INTS3: variants seen among roughly 807,000 people sequenced by gnomAD.
The protein encoded by INTS3 is SOSS complex subunit A.
A neutral mutation model predicts 146.3 loss-of-function variants in INTS3; 34 were observed. The observed-to-expected ratio is 0.23, with a 90% CI of 0.18 to 0.31. INTS3 has a LOEUF of 0.31. INTS3 is among the 10% of genes least tolerant of loss of function. The pLI is 1.00. For synonymous variants in INTS3, 475 were observed against 494.9 expected (o/e 0.96, Z 0.53); for missense variants, 757 against 1,304.2 (o/e 0.58, Z 6.46).
rs752021530 is a variant in INTS3, at chr1:153,767,683, C to T, written c.2100C>T (p.Ala700=). Residue 700 remains alanine, a synonymous_variant, in exon 21 of 30, where the codon GCC becomes GCT. Coordinates refer to ENST00000318967, the MANE Select transcript of INTS3 (RefSeq NM_023015.5). The part of the protein sequence containing the change: ...LLYYLRASKA[A]AGKMNLYESF... ...CCAGCTGGTCTTGCAGCAAAGCCGC[C>T]GCAGGGAAGATGAACCTGTACGAGT... 37 of 1,590,780 alleles carry T rather than the reference C, an allele frequency of 2.3e-5. No individual in the cohort carries two copies. The highest frequency in any genetic ancestry group is 2.7e-5 in the Non-Finnish European group (32 of 1,164,326).
rs1224178801 is a variant in INTS3, at chr1:153,754,663, C to A, written c.881C>A (p.Ser294Ter). Residue 294 changes from serine to a stop codon, truncating the protein, a stop_gained, in exon 9 of 30, where the codon TCA becomes TAA. Transcript: ENST00000318967. LOFTEE classifies it high-confidence loss of function. ...TCAGGTATCCTACAGCTTCTTCAGT[C>A]AAGAACATCCCGAAAATTCCTAGCA... The part of the protein sequence containing the change: ...QFTGILQLLQ[S>*]RTSRKFLACR... The A allele has an allele frequency of 6.2e-7, 1 of 1,612,270 alleles. No homozygotes were observed. The highest frequency in any genetic ancestry group is 1.7e-5 in the Admixed American group (1 of 60,014).
chr1:153,733,509 C>CCACTGTATGCTTT, intron 1 of INTS3, among the ~76,000 whole-genome samples: 1 of 152,032 alleles, frequency 6.6e-6, no homozygotes, highest in Non-Finnish European at 1.5e-5. Context: ...CCGCACCCAG[C>CCACTGTATGCTTT]TGTCCTTGGG....
intron 20 of INTS3, among the ~76,000 whole-genome samples, chr1:153,765,623 G>A (rs190920347): frequency 6.6e-6 from 1 of 151,552 alleles, no homozygotes; most frequent in Admixed American, 6.6e-5. Context: ...AGGCTGGAGT[G>A]CAGTGGTACA....
chr1:153,763,718 C>T (rs1672473750), intron 16 of INTS3, 114 bp from the exon 17 acceptor site: 1 of 906,696 alleles, frequency 1.1e-6, no homozygotes, highest in African/African-American at 1.6e-5. Flanking sequence ...TTACACAGAG[C>T]TCCTTTGTTT....
intron 1 of INTS3, among the ~76,000 whole-genome samples, chr1:153,738,870 C>T (rs1043334676): frequency 1.0e-4 from 15 of 148,854 alleles, no homozygotes; most frequent in East Asian, 5.8e-4. Flanking sequence ...TCATTTTATT[C>T]GATAGATGAT....
At chr1:153,732,213 C>T (rs1223402000) in intron 1 of INTS3, among the ~76,000 whole-genome samples, 1 of 151,982 alleles carries the variant, frequency 6.6e-6, no homozygotes, top group Non-Finnish European at 1.5e-5. Context: ...AGAGCTTCCT[C>T]TTAAGCGCTG....
rs932445955 is a variant in INTS3 at position 153,757,432 on chromosome 1, C to T, written c.958-140C>T. ...GTTCTCCTAAAGGAGGGGAGACTTACGAGACAGTATGAGCTAATGAATGAA... is the reference window on the plus strand; with the variant it reads ...GTTCTCCTAAAGGAGGGGAGACTTATGAGACAGTATGAGCTAATGAATGAA... On this transcript the variant is annotated intron_variant, in intron 9 of 29. Transcript: ENST00000318967. The surrounding 1 kb of genome is among the most constrained non-coding windows in gnomAD (Gnocchi z 4.0). 1.3e-5 allele frequency: 8 copies of T among 628,326 alleles called. No individual in the cohort carries two copies. Among genetic ancestry groups the T allele is most frequent in the Admixed American group, 5.1e-5 (2 of 39,160 alleles). 38.9% of individuals were successfully genotyped at this position (628,326 alleles called of 1,614,324 possible).
rs1671496459 is a variant in INTS3, at chr1:153,740,711, G to A, written c.211G>A (p.Ala71Thr). Reference protein sequence around the residue: ...SMTAGVSEREANDALNAYVCK... With the variant: ...SMTAGVSERETNDALNAYVCK... ...GACTGCTGGTGTCTCGGAGAGAGAA[G>A]CCAATGATGCCCTCAATGCGTATGT... The change falls in exon 2 of 30, where the codon GCC (alanine) becomes ACC (threonine). Residue 71 changes from alanine (A) to threonine (T), a missense_variant. Ala to Thr is a moderately conservative substitution (Grantham distance 58, BLOSUM62 0). Around this residue, in one of 8 missense-constraint regions of INTS3, gnomAD observed 160 missense variants for 193.7 expected, o/e 0.83. Coordinates refer to ENST00000318967, the MANE Select transcript of INTS3 (RefSeq NM_023015.5). The A allele has an allele frequency of 6.2e-7, 1 of 1,613,422 alleles. No homozygotes were observed. The highest frequency in any genetic ancestry group is 1.7e-5 in the Admixed American group (1 of 60,000).
Position 153,772,726 on chromosome 1 carries a change from A to G in INTS3, c.2894+15A>G. On this transcript the variant is annotated intron_variant, in intron 28 of 29. Coordinates refer to ENST00000318967, the MANE Select transcript of INTS3 (RefSeq NM_023015.5). This position sits in a 1 kb window ranked among gnomAD's most constrained non-coding sequence, Gnocchi z 4.6. ...CACAAGATGAAGTGAGGCTCCTGCC[A>G]CTTTGGGCCTTGGAAAGTAGTAGGG... is the stretch of plus-strand genomic sequence containing the variant. 6.2e-7 allele frequency: 1 copy of G among 1,612,002 alleles called. No individual in the cohort carries two copies. The highest frequency in any genetic ancestry group is 8.5e-7 in the Non-Finnish European group (1 of 1,178,766).
In INTS3 at chr1:153,728,679, T is replaced by C; in HGVS notation, c.45T>C (p.Ala15=). The C allele has an allele frequency of 6.2e-7, 1 of 1,605,468 alleles. No individual in the cohort carries two copies. Among genetic ancestry groups the C allele is most frequent in the Non-Finnish European group, 8.5e-7 (1 of 1,177,106 alleles). Reference sequence around the variant, plus strand: ...AAGGGGCGGCAGCAGCAGCAGCTGCTTCGGGAGCAGCGGGAGGTGGAGGAG... The same window carrying C: ...AAGGGGCGGCAGCAGCAGCAGCTGCCTCGGGAGCAGCGGGAGGTGGAGGAG... The part of the protein sequence containing the change: ...KGKGAAAAAA[A]SGAAGGGGGG... Residue 15 remains alanine (A), a synonymous_variant, in exon 1 of 30, where the codon GCT becomes GCC. Transcript: ENST00000318967.
At chr1:153,769,928 T>A (rs1672750491) in intron 23 of INTS3, 84 bp downstream of exon 23, 2 of 1,034,078 alleles carry the variant, frequency 1.9e-6, no homozygotes, top group Non-Finnish European at 3.0e-6. Flanking sequence ...TCAGGAAAGC[T>A]GGTTCTGGGG....
At chr1:153,745,926 C>T (rs1045307029) in intron 3 of INTS3, among the ~76,000 whole-genome samples, 26 of 152,082 alleles carry the variant, frequency 1.7e-4, no homozygotes, top group Non-Finnish European at 2.9e-4. Flanking sequence ...CATAGTGAGA[C>T]CTTGTCTCTA....
Position 153,773,413 on chromosome 1 carries a change from C to T in INTS3, c.*143C>T. On this transcript the variant is annotated 3_prime_UTR_variant, in exon 30 of 30. Coordinates refer to ENST00000318967, the MANE Select transcript of INTS3 (RefSeq NM_023015.5). ...CCCCGGTGGAAGGAGGAGCTTTCTC[C>T]TCTGGCTGAGTTTGAGAAGCTGCCA... 1.3e-6 allele frequency: 1 copy of T among 786,368 alleles called. No homozygotes were observed. Among genetic ancestry groups the T allele is most frequent in the Admixed American group, 2.4e-5 (1 of 42,020 alleles). 48.7% of individuals were successfully genotyped at this position (786,368 alleles called of 1,614,324 possible). A position where few individuals can be genotyped will look rare whatever the true frequency, so the allele number is the denominator to read the frequency against.
intron 10 of INTS3, among the ~76,000 whole-genome samples, chr1:153,758,532 G>A (rs1404646648): frequency 1.3e-5 from 2 of 152,228 alleles, no homozygotes; most frequent in Non-Finnish European, 2.9e-5. Context: ...GGCCTGCCGA[G>A]CACGGTGGCT....
chr1:153,758,033 T>C (rs1672226674), intron 10 of INTS3, among the ~76,000 whole-genome samples: 1 of 152,202 alleles, frequency 6.6e-6, no homozygotes, highest in South Asian at 2.1e-4. Flanking sequence ...TCCCTGCCTT[T>C]TTCATTTTTG....
At position 153,747,261 on chromosome 1, in the gene INTS3, T is replaced by A; in HGVS notation, c.433-18T>A. 1 of 1,609,690 alleles carries A rather than the reference T, an allele frequency of 6.2e-7. No individual in the cohort carries two copies. The highest frequency in any genetic ancestry group is 8.5e-7 in the Non-Finnish European group (1 of 1,175,928). On this transcript the variant is annotated intron_variant, in intron 4 of 29. Coordinates refer to ENST00000318967, the MANE Select transcript of INTS3 (RefSeq NM_023015.5). ...TCACAGTTCCTGCTCTTCATCTGTT[T>A]TTCCCTCTTTCCTTTAGTTGGTGTG... is the stretch of plus-strand genomic sequence containing the variant.
intron 1 of INTS3, among the ~76,000 whole-genome samples, chr1:153,737,475 A>G (rs1046282068): frequency 1.4e-4 from 22 of 152,048 alleles, no homozygotes; most frequent in Non-Finnish European, 2.5e-4. Context: ...TAATGCAGCT[A>G]TTTTCATCCT....
In INTS3 at chr1:153,751,207, G is replaced by A; in HGVS notation, c.697G>A (p.Val233Ile). 6.2e-7 allele frequency: 1 copy of A among 1,614,222 alleles called. No individual in the cohort carries two copies. Among genetic ancestry groups the A allele is most frequent in the Non-Finnish European group, 8.5e-7 (1 of 1,180,036 alleles). Residue 233 changes from valine (V) to isoleucine (I), a missense_variant, in exon 7 of 30, where the codon GTA (valine) becomes ATA (isoleucine). Transcript: ENST00000318967. ...AQLQALRQKEVDFCISLLRER... is the reference protein window; with the variant it reads ...AQLQALRQKEIDFCISLLRER... Reference sequence around the variant, plus strand: ...GCTCCAGGCCCTGCGACAGAAGGAAGTAGACTTCTGCATCTCACTGCTTCG... The same window carrying A: ...GCTCCAGGCCCTGCGACAGAAGGAAATAGACTTCTGCATCTCACTGCTTCG...
chr1:153,770,918 C>T (rs528127826), intron 25 of INTS3, among the ~76,000 whole-genome samples, 185 bp downstream of exon 25: 9 of 152,278 alleles, frequency 5.9e-5, no homozygotes, highest in African/African-American at 2.2e-4. Context: ...GGCTTCCTCT[C>T]GACTTTACCC....
Sources: gnomAD v4.1 joint callset for allele counts (sites outside exome capture counted in the v4.1 genomes callset) on GRCh38, gnomAD v4.1.1 for gene constraint, gnomAD v4.1.1 regional missense constraint, Gnocchi (gnomAD v3.1) non-coding constraint, MANE v1.5 for transcripts, NCBI Gene and HGNC (gene_info 2026-07-23, HGNC 2026-07-21) for gene names.